PPEF2: variants seen among roughly 807,000 people sequenced by gnomAD.
PPEF2 encodes protein phosphatase with EF-hand domain 2, also known as serine/threonine-protein phosphatase with EF-hands 2.
PPEF2 carries 84 observed loss-of-function variants against 84.7 expected under a neutral mutation model. That is an observed-to-expected ratio of 0.99 (90% CI 0.83 to 1.19). The LOEUF (loss-of-function observed/expected upper bound fraction) is 1.19, where lower values mean the gene tolerates loss of function less well. PPEF2 is among the 50% of genes most tolerant of loss of function. The pLI, the probability that PPEF2 is intolerant of heterozygous loss-of-function variation, is 0.00. For synonymous variants in PPEF2, 346 were observed against 345.2 expected, an observed-to-expected ratio of 1.00 and a Z score of -0.03; for missense variants, 924 against 937.5, an observed-to-expected ratio of 0.99 and a Z score of 0.19.
intron 2 of PPEF2, among the ~76,000 whole-genome samples, chr4:75,892,519 G>A (rs28406986): frequency 0.14 from 21,189 of 151,310 alleles, 1,634 homozygotes; most frequent in Non-Finnish European, 0.18. Flanking sequence ...ACTAGGAAAA[G>A]CAAACAATAA....
At position 75,863,971 on chromosome 4, in the gene PPEF2, C is replaced by A. The variant is rs547220332; in HGVS notation, c.2008+469G>T. Among the ~76,000 whole-genome samples the A allele has an allele frequency of 2.0e-5, 3 of 151,680 alleles. No homozygotes were observed. The East Asian group carries it at 5.8e-4, about 29-fold the overall frequency. ...CACTGCAACCTCCGCCTCCCGGGTA[C>A]AAGCAATTCTCCTGCCTCAGCCTCC... is the stretch of plus-strand genomic sequence containing the variant. On this transcript the variant is annotated intron_variant, in intron 16 of 16. Transcript: ENST00000286719.
chr4:75,872,009 C>T lies in PPEF2; in HGVS notation c.1649+16G>A, dbSNP rs769488980. ...ATAATTTTTTTTTCTGAAAATCACT[C>T]ATTGAAAAGTCTTGCCTTTGCCTCA... On this transcript the variant is annotated intron_variant, in intron 13 of 16. Coordinates refer to ENST00000286719, the MANE Select transcript of PPEF2 (RefSeq NM_006239.3). 1.3e-6 allele frequency: 2 copies of T among 1,558,806 alleles called. No homozygotes were observed. The highest frequency in any genetic ancestry group is 2.3e-5 in the East Asian group (1 of 43,962).
intron 16 of PPEF2, among the ~76,000 whole-genome samples, chr4:75,862,703 A>C (rs1724036459): frequency 6.6e-6 from 1 of 152,220 alleles, no homozygotes; most frequent in South Asian, 2.1e-4. Context: ...TGTTGGTGGC[A>C]ATATAAATAT....
At chr4:75,887,234 G>A (rs4241575) in intron 6 of PPEF2, among the ~76,000 whole-genome samples, 132,588 of 152,276 alleles carry the variant, frequency 0.87, 60,025 homozygotes, top group East Asian at 0.99. Flanking sequence ...ACTCACTTAT[G>A]AGCCAGTGTT....
Position 75,876,456 on chromosome 4 carries a change from C to T in PPEF2, c.1151G>A (p.Arg384Gln), listed in dbSNP as rs2149218613. The change falls in exon 11 of 17, where the codon CGG (arginine) becomes CAG (glutamine). Residue 384 changes from arginine to glutamine, a missense_variant. Physicochemically the swap from Arg to Gln is conservative, Grantham distance 43 (BLOSUM62 1). Coordinates refer to ENST00000286719, the MANE Select transcript of PPEF2 (RefSeq NM_006239.3). ...SIPCSGSLDGRELSRQVRSSV... is the reference protein window; with the variant it reads ...SIPCSGSLDGQELSRQVRSSV... ...GCTCCGCACCTGCCGGGAGAGCTCC[C>T]GCCCGTCCAGGGAACCGCTGCAGGG... The T allele has an allele frequency of 6.2e-7, 1 of 1,614,014 alleles. No homozygotes were observed. The highest frequency in any genetic ancestry group is 8.5e-7 in the Non-Finnish European group (1 of 1,179,952).
intron 2 of PPEF2, 79 bp from the exon 3 acceptor site, chr4:75,892,057 C>T: frequency 6.4e-7 from 1 of 1,560,432 alleles, no homozygotes; most frequent in Non-Finnish European, 8.7e-7. Context: ...GAGGAAGCTG[C>T]TCAGCCCTCT....
chr4:75,870,727 C>T (rs189444338), intron 13 of PPEF2, among the ~76,000 whole-genome samples: 1 of 152,252 alleles, frequency 6.6e-6, no homozygotes, highest in Non-Finnish European at 1.5e-5. Flanking sequence ...GATGATTTAA[C>T]ATCGGTTCTT....
intron 1 of PPEF2, among the ~76,000 whole-genome samples, chr4:75,900,461 A>G (rs571576232): frequency 6.6e-6 from 1 of 152,326 alleles, no homozygotes; most frequent in South Asian, 2.1e-4. Context: ...ACCAAGGACA[A>G]AAAGGATATG....
At chr4:75,868,772 G>T (rs1386389757) in intron 13 of PPEF2, among the ~76,000 whole-genome samples, 2 of 152,156 alleles carry the variant, frequency 1.3e-5, no homozygotes, top group Non-Finnish European at 2.9e-5. Flanking sequence ...GGAGGCTGAA[G>T]CGGGAGGATC....
At chr4:75,878,894 C>T (rs1010246459) in intron 10 of PPEF2, among the ~76,000 whole-genome samples, 5 of 152,194 alleles carry the variant, frequency 3.3e-5, no homozygotes, top group African/African-American at 1.2e-4. Context: ...TTCATATCGA[C>T]TCAAACTCGT....
In PPEF2 at chr4:75,891,837, A is replaced by C; in HGVS notation, c.183+14T>G. The C allele has an allele frequency of 6.2e-7, 1 of 1,604,946 alleles. No individual in the cohort carries two copies. Among genetic ancestry groups the C allele is most frequent in the Non-Finnish European group, 8.5e-7 (1 of 1,172,318 alleles). ...GGAGAGCAGGAGGCGGCTCCGTCCCACATCTCATTGTACCTTGACTTGGTC... is the reference window on the plus strand; with the variant it reads ...GGAGAGCAGGAGGCGGCTCCGTCCCCCATCTCATTGTACCTTGACTTGGTC... On this transcript the variant is annotated intron_variant, in intron 3 of 16. Transcript: ENST00000286719.
At chr4:75,880,891 CTGGGTT>C (rs1724553777) in intron 10 of PPEF2, among the ~76,000 whole-genome samples, 7 of 150,670 alleles carry the variant, frequency 4.6e-5, no homozygotes, top group African/African-American at 1.7e-4. Flanking sequence ...TCTCTGTCTC[CTGGGTT>C]CAAGTGATTC....
chr4:75,891,636 G>T lies in PPEF2; in HGVS notation c.241+12C>A, dbSNP rs113703384. ...CGACAGGAGGACATGACATGTGGCA[G>T]TTCATACTCACTGTCGTTGTGGCTG... On this transcript the variant is annotated intron_variant, in intron 4 of 16. Coordinates refer to ENST00000286719, the MANE Select transcript of PPEF2 (RefSeq NM_006239.3). 19 of 1,602,240 alleles carry T rather than the reference G, an allele frequency of 1.2e-5. No homozygotes were observed. The African/African-American group carries it at 2.1e-4, about 18-fold the overall frequency.
chr4:75,862,087 G>A (rs1429036499), intron 16 of PPEF2, among the ~76,000 whole-genome samples: 1 of 151,536 alleles, frequency 6.6e-6, no homozygotes, highest in Non-Finnish European at 1.5e-5. Flanking sequence ...AAGGTCAGGA[G>A]TTTAAGACCA....
chr4:75,866,376 G>A lies in PPEF2; in HGVS notation c.1757-24C>T, dbSNP rs780251586. ...ACCTACAGGTGAGAGCTAACCTGTTGCCTTGTCACCTAGAAGTCTAGTTTC... is the reference window on the plus strand; with the variant it reads ...ACCTACAGGTGAGAGCTAACCTGTTACCTTGTCACCTAGAAGTCTAGTTTC... On this transcript the variant is annotated intron_variant, in intron 14 of 16. Coordinates refer to ENST00000286719, the MANE Select transcript of PPEF2 (RefSeq NM_006239.3). The A allele has an allele frequency of 2.7e-5, 43 of 1,608,450 alleles. No homozygotes were observed. The African/African-American group carries it at 4.0e-4, about 15-fold the overall frequency.
intron 16 of PPEF2, among the ~76,000 whole-genome samples, chr4:75,862,828 A>G (rs752613991): frequency 1.3e-5 from 2 of 152,232 alleles, no homozygotes; most frequent in African/African-American, 2.4e-5. Context: ...GAAAACACAT[A>G]TTGACACAAA....
intron 2 of PPEF2, among the ~76,000 whole-genome samples, chr4:75,893,892 C>T (rs1051621823): frequency 5.3e-5 from 8 of 152,064 alleles, no homozygotes; most frequent in African/African-American, 1.9e-4. Context: ...GGTTGACTAT[C>T]TGGTAGGGTG....
intron 13 of PPEF2, among the ~76,000 whole-genome samples, chr4:75,869,049 C>T (rs1333014128): frequency 6.6e-6 from 1 of 152,208 alleles, no homozygotes; most frequent in Non-Finnish European, 1.5e-5. Context: ...ACCTAAAACT[C>T]ACCCCAAATT....
intron 1 of PPEF2, among the ~76,000 whole-genome samples, chr4:75,900,184 TG>T (rs1725089196): frequency 6.6e-6 from 1 of 152,228 alleles, no homozygotes; most frequent in South Asian, 2.1e-4. Context: ...GGATGGATAC[TG>T]ATTATTGCTG....
Sources: allele counts gnomAD v4.1 joint callset (sites outside exome capture counted in the v4.1 genomes callset), GRCh38; gene constraint gnomAD v4.1.1; transcripts MANE v1.5; gene names NCBI Gene and HGNC (gene_info 2026-07-23, HGNC 2026-07-21).